The following TMEM117 variants were observed in gnomAD, a reference collection of about 807,000 sequenced individuals.
The protein encoded by TMEM117 is transmembrane protein 117.
A neutral mutation model predicts 52.4 loss-of-function variants in TMEM117; 27 were observed. The ratio of observed to expected loss-of-function variants is 0.51; its 90% CI spans 0.38 to 0.71. TMEM117 has a LOEUF of 0.71. TMEM117 is among the 30% of genes least tolerant of loss of function. TMEM117 has a pLI of 0.00. For synonymous variants in TMEM117, 215 were observed against 206.3 expected (o/e 1.04, Z -0.36); for missense variants, 556 against 630.5 (o/e 0.88, Z 1.26).
At chr12:43,805,619 A>G in the TMEM117 span, 1 of 483,506 alleles carries the variant, frequency 2.1e-6, no homozygotes, top group Non-Finnish European at 4.0e-6. Flanking sequence ...CATACAGATC[A>G]GTTTCCCTTG....
intron 6 of TMEM117, among the ~76,000 whole-genome samples, chr12:44,350,997 C>T (rs928473079): frequency 4.6e-5 from 7 of 152,000 alleles, no homozygotes; most frequent in Admixed American, 4.6e-4. Context: ...TACAAGGGTT[C>T]CCCTAGTCTC....
At chr12:43,858,992 C>A (rs1469531598) in intron 2 of TMEM117, among the ~76,000 whole-genome samples, 1 of 152,022 alleles carries the variant, frequency 6.6e-6, no homozygotes, top group Non-Finnish European at 1.5e-5. Flanking sequence ...AGAAGTCAAA[C>A]CGAAGAGAAA....
intron 5 of TMEM117, among the ~76,000 whole-genome samples, chr12:44,280,696 CA>C (rs967131147): frequency 1.3e-5 from 2 of 152,000 alleles, no homozygotes; most frequent in African/African-American, 2.4e-5. Flanking sequence ...GGTGGTTGCT[CA>C]AAAAATGTTT....
chr12:43,937,409 T>A (rs1197724284), intron 2 of TMEM117, among the ~76,000 whole-genome samples: 3 of 152,228 alleles, frequency 2.0e-5, no homozygotes, highest in Non-Finnish European at 4.4e-5. Flanking sequence ...AACTGTGTTG[T>A]GCAACTTTTT....
chr12:44,391,648 C>G (rs1001892534), downstream of TMEM117, among the ~76,000 whole-genome samples: 1 of 152,076 alleles, frequency 6.6e-6, no homozygotes, highest in Non-Finnish European at 1.5e-5. Flanking sequence ...CCCCATGGGT[C>G]ACCAACACAG....
chr12:43,891,367 A>ATTTTTTTTTTTTTTATTTTTTTTTTT (rs1944100751), intron 2 of TMEM117, among the ~76,000 whole-genome samples: 1 of 57,804 alleles, frequency 1.7e-5, no homozygotes, highest in Non-Finnish European at 3.1e-5. Flanking sequence ...TACCTCTTGA[A>ATTTTTTTTTTTTTTATTTTTTTTTTT]TTTTTTTTTT....
intron 3 of TMEM117, among the ~76,000 whole-genome samples, chr12:43,980,508 A>T (rs1945743172): frequency 6.6e-6 from 1 of 152,142 alleles, no homozygotes; most frequent in African/African-American, 2.4e-5. Context: ...CAATACTTTT[A>T]TATACTGTTG....
chr12:44,292,178 T>C (rs760149623), intron 5 of TMEM117, among the ~76,000 whole-genome samples: 2 of 152,058 alleles, frequency 1.3e-5, no homozygotes, highest in African/African-American at 4.8e-5. Context: ...TTCTTCATTA[T>C]TCAGTCTTGG....
chr12:43,983,754 T>C (rs1019925024), intron 3 of TMEM117, among the ~76,000 whole-genome samples: 1 of 151,686 alleles, frequency 6.6e-6, no homozygotes, highest in Non-Finnish European at 1.5e-5. Flanking sequence ...TTTTGTAAAC[T>C]CAGAGTGAAA....
chr12:43,876,916 G>A (rs571144681), intron 2 of TMEM117, among the ~76,000 whole-genome samples: 28 of 152,134 alleles, frequency 1.8e-4, no homozygotes, highest in Admixed American at 8.5e-4. Flanking sequence ...ACAGTGACAT[G>A]TAATTAATTT....
intron 3 of TMEM117, among the ~76,000 whole-genome samples, chr12:44,095,530 A>G (rs1592511316): frequency 6.6e-6 from 1 of 152,056 alleles, no homozygotes; most frequent in African/African-American, 2.4e-5. Flanking sequence ...TAGAGGCTGG[A>G]TAGTGAGTGT....
intron 5 of TMEM117, among the ~76,000 whole-genome samples, chr12:44,248,083 C>A (rs565856808): frequency 9.9e-5 from 15 of 152,252 alleles, no homozygotes; most frequent in African/African-American, 3.1e-4. Context: ...ATATAGCCCC[C>A]AGTTGGGCGG....
chr12:43,834,964 C>T (rs1208800340), upstream of TMEM117, among the ~76,000 whole-genome samples: 2 of 152,192 alleles, frequency 1.3e-5, no homozygotes, highest in Non-Finnish European at 1.5e-5. Flanking sequence ...CTCTTGCCAT[C>T]CACCCATTCC....
intron 6 of TMEM117, among the ~76,000 whole-genome samples, chr12:44,300,789 A>G (rs770558567): frequency 2.5e-4 from 38 of 152,272 alleles, no homozygotes; most frequent in African/African-American, 8.2e-4. Context: ...TTTTTGTTGC[A>G]TTTGAAAATT....
intron 3 of TMEM117, among the ~76,000 whole-genome samples, chr12:44,111,728 T>A (rs1213848541): frequency 7.0e-6 from 1 of 142,492 alleles, no homozygotes; most frequent in Non-Finnish European, 1.5e-5. Context: ...TAGGTCCGCT[T>A]GGTGCAGAGC....
intron 6 of TMEM117, among the ~76,000 whole-genome samples, chr12:44,348,470 A>G (rs1951520596): frequency 6.6e-6 from 1 of 151,892 alleles, no homozygotes; most frequent in Non-Finnish European, 1.5e-5. Context: ...GTCCAAAGAC[A>G]AGAGCCACAA....
intron 4 of TMEM117, among the ~76,000 whole-genome samples, chr12:44,190,812 C>CT (rs1949341280): frequency 6.6e-6 from 1 of 150,784 alleles, no homozygotes; most frequent in Non-Finnish European, 1.5e-5. Context: ...GAATGTATTT[C>CT]TTATGGAAGT....
chr12:44,194,610 G>A (rs1424203598), intron 4 of TMEM117, among the ~76,000 whole-genome samples: 5 of 152,178 alleles, frequency 3.3e-5, no homozygotes, highest in Non-Finnish European at 2.9e-5. Context: ...CAGATTGCTT[G>A]AGCTCAGGAG....
At chr12:44,266,743 C>T (rs1376179155) in intron 5 of TMEM117, among the ~76,000 whole-genome samples, 2 of 152,040 alleles carry the variant, frequency 1.3e-5, no homozygotes, top group Non-Finnish European at 2.9e-5. Context: ...AGTTTTATAG[C>T]TTTAGCTCTT....
Sources: gnomAD v4.1 joint callset for allele counts (sites outside exome capture counted in the v4.1 genomes callset) on GRCh38, gnomAD v4.1.1 for gene constraint, MANE v1.5 for transcripts, NCBI Gene and HGNC (gene_info 2026-07-23, HGNC 2026-07-21) for gene names.